The following GRID1 variants were observed in gnomAD, a reference collection of about 807,000 sequenced individuals.
The protein encoded by GRID1 is glutamate receptor ionotropic, delta-1.
In GRID1, 28 loss-of-function variants were observed where a neutral mutation model predicts 98.0. The observed-to-expected ratio is 0.29, with a 90% CI of 0.21 to 0.39. The LOEUF (loss-of-function observed/expected upper bound fraction) is 0.39. GRID1 is among the 10% of genes least tolerant of loss of function. The probability of loss-of-function intolerance (pLI) is 1.00; values close to 1 mark genes in which losing one functional copy is unlikely to be tolerated. For missense variants in GRID1, 1,111 were observed against 1,340.5 expected, an observed-to-expected ratio of 0.83 and a Z score of 2.67; for synonymous variants, 553 against 538.5, an observed-to-expected ratio of 1.03 and a Z score of -0.37.
rs140632443 is a variant in GRID1, at chr10:85,863,166, A to C, written c.951+5844T>G. 9.8e-4 allele frequency among the ~76,000 whole-genome samples: 149 copies of C among 152,252 alleles called. 1 individual carries two copies. Among genetic ancestry groups the C allele is most frequent in the Middle Eastern group, 3.4e-3 (1 of 294 alleles). On this transcript the variant is annotated intron_variant, in intron 6 of 15. Transcript: ENST00000327946. ...GTGGCTTATAAGCAACAAAAATTTA[A>C]CTTCTCACCGTTCTGAAGCCTGGCA...
chr10:86,344,876 C>T (rs1848360449), intron 2 of GRID1, among the ~76,000 whole-genome samples: 1 of 152,230 alleles, frequency 6.6e-6, no homozygotes, highest in South Asian at 2.1e-4. Context: ...CCCAGCCAAG[C>T]TGCTGCACAA....
chr10:85,893,155 AC>A lies in GRID1; in HGVS notation c.780+23030del, dbSNP rs373583140. Reference sequence around the variant, plus strand: ...AAAACGTGATTATCTCAATAGATGCACAAAAAATATTTGGCAAAATTCAAGA... The same window carrying A: ...AAAACGTGATTATCTCAATAGATGCAAAAAAATATTTGGCAAAATTCAAGA... On this transcript the variant is annotated intron_variant, in intron 5 of 15. Transcript: ENST00000327946. Among the ~76,000 whole-genome samples the A allele has an allele frequency of 4.5e-3, 689 of 152,300 alleles. 5 individuals carry two copies. The highest frequency in any genetic ancestry group is 0.016 in the African/African-American group (650 of 41,558).
chr10:85,819,197 A>G (rs1018112274), intron 8 of GRID1, among the ~76,000 whole-genome samples: 3 of 152,244 alleles, frequency 2.0e-5, no homozygotes, highest in African/African-American at 7.2e-5. Context: ...CACCACAAAA[A>G]GCACAACAGC....
intron 2 of GRID1, among the ~76,000 whole-genome samples, chr10:86,240,391 G>A (rs555908835): frequency 6.6e-6 from 1 of 152,282 alleles, no homozygotes; most frequent in South Asian, 2.1e-4. Flanking sequence ...GGCTCACAGG[G>A]GCATTCTGGG....
intron 8 of GRID1, among the ~76,000 whole-genome samples, chr10:85,820,032 AGGC>A (rs1564600218): frequency 0.012 from 1,069 of 90,496 alleles, 4 homozygotes; most frequent in Non-Finnish European, 0.012. Context: ...GAAGGAAGGC[AGGC>A]AGGCAGGCAG....
chr10:86,066,395 A>G (rs1166883079), intron 4 of GRID1, among the ~76,000 whole-genome samples: 6 of 152,160 alleles, frequency 3.9e-5, no homozygotes, highest in African/African-American at 1.4e-4. Flanking sequence ...GAATTTTCCA[A>G]TGGGCTGTGT....
At chr10:85,694,125 A>G (rs1471502613) in intron 12 of GRID1, among the ~76,000 whole-genome samples, 1 of 152,172 alleles carries the variant, frequency 6.6e-6, no homozygotes, top group Non-Finnish European at 1.5e-5. Flanking sequence ...GGAAATGAAC[A>G]AACACTTTTC....
chr10:86,233,656 T>C (rs1171907233), intron 2 of GRID1, among the ~76,000 whole-genome samples: 1 of 151,948 alleles, frequency 6.6e-6, no homozygotes. Flanking sequence ...TGTTCCAGAG[T>C]CCCTGATCAG....
At chr10:85,802,690 T>G (rs911685821) in intron 8 of GRID1, among the ~76,000 whole-genome samples, 5 of 150,694 alleles carry the variant, frequency 3.3e-5, no homozygotes, top group African/African-American at 1.2e-4. Context: ...CACCAATAAA[T>G]AACTTAAAAG....
At chr10:85,618,632 A>C (rs1842820263) in intron 14 of GRID1, among the ~76,000 whole-genome samples, 1 of 152,198 alleles carries the variant, frequency 6.6e-6, no homozygotes, top group Admixed American at 6.5e-5. Flanking sequence ...AGTTTTGCAA[A>C]GAAGCCACTG....
rs199786360 is a variant in GRID1 at position 85,958,957 on chromosome 10, C to CAA, written c.727-42720_727-42719dup. 7.4e-3 allele frequency among the ~76,000 whole-genome samples: 734 copies of CAA among 99,244 alleles called. 9 individuals carry two copies. The highest frequency in any genetic ancestry group is 0.023 in the African/African-American group (608 of 26,906). 65.1% of individuals were successfully genotyped at this position (99,244 alleles called of 152,430 possible). A position where few individuals can be genotyped will look rare whatever the true frequency, so the allele number is the denominator to read the frequency against. On this transcript the variant is annotated intron_variant, in intron 4 of 15. Coordinates refer to ENST00000327946, the MANE Select transcript of GRID1 (RefSeq NM_017551.3). ...GAGCTATGAGAGTGAAACTCCGTCT[C>CAA]AAAAAAAAAAAAAAAGAAAGAAAGA... is the stretch of plus-strand genomic sequence containing the variant.
At chr10:85,981,511 G>A (rs1263547359) in intron 4 of GRID1, among the ~76,000 whole-genome samples, 2 of 152,172 alleles carry the variant, frequency 1.3e-5, no homozygotes, top group Non-Finnish European at 2.9e-5. Context: ...AGGACTTAAT[G>A]TCGGCCTCCT....
chr10:86,078,432 G>A (rs966571410), intron 4 of GRID1, among the ~76,000 whole-genome samples: 3 of 152,200 alleles, frequency 2.0e-5, no homozygotes, highest in Non-Finnish European at 4.4e-5. Context: ...CACAGACAGT[G>A]GGTGGAACGG....
chr10:86,055,073 C>T (rs1464768677), intron 4 of GRID1, among the ~76,000 whole-genome samples: 2 of 152,200 alleles, frequency 1.3e-5, no homozygotes, highest in African/African-American at 4.8e-5. Context: ...AGGCCACCCT[C>T]AACCAGCCAA....
intron 15 of GRID1, among the ~76,000 whole-genome samples, chr10:85,612,745 A>T (rs1194788825): frequency 6.6e-6 from 1 of 152,016 alleles, no homozygotes; most frequent in Non-Finnish European, 1.5e-5. Context: ...AAAAAAAAAA[A>T]AATTTAAAAA....
In GRID1 at chr10:86,026,127, A is replaced by T. The variant is rs187005245; in HGVS notation, c.727-109888T>A. Among the ~76,000 whole-genome samples the T allele has an allele frequency of 5.9e-4, 90 of 152,352 alleles. 2 individuals carry two copies. The East Asian group carries it at 0.017, about 28-fold the overall frequency. On this transcript the variant is annotated intron_variant, in intron 4 of 15. Transcript: ENST00000327946. Reference sequence around the variant, plus strand: ...TTGATGATAATTCGCTCCAACTAACATATGTGCAACATCTATATTATTGCA... The same window carrying T: ...TTGATGATAATTCGCTCCAACTAACTTATGTGCAACATCTATATTATTGCA...
chr10:86,255,889 G>T (rs1460395529), intron 2 of GRID1, among the ~76,000 whole-genome samples: 3 of 152,106 alleles, frequency 2.0e-5, no homozygotes, highest in African/African-American at 7.2e-5. Flanking sequence ...AACACAGTCT[G>T]CCCTGTCTTC....
chr10:86,284,025 T>C (rs1847394124), intron 2 of GRID1, among the ~76,000 whole-genome samples: 1 of 135,000 alleles, frequency 7.4e-6, no homozygotes, highest in Non-Finnish European at 1.6e-5. Flanking sequence ...TACACCTGCA[T>C]ATATACACAC....
chr10:85,960,363 G>T (rs1179611963), intron 4 of GRID1, among the ~76,000 whole-genome samples: 1 of 152,238 alleles, frequency 6.6e-6, no homozygotes, highest in Non-Finnish European at 1.5e-5. Context: ...ACACAGACAG[G>T]TGGCGAAGTG....
Sources: allele counts gnomAD v4.1 joint callset (sites outside exome capture counted in the v4.1 genomes callset), GRCh38; gene constraint gnomAD v4.1.1; transcripts MANE v1.5; gene names NCBI Gene and HGNC (gene_info 2026-07-23, HGNC 2026-07-21).